TENM3: variants seen among roughly 807,000 people sequenced by gnomAD.
The protein encoded by TENM3 is teneurin-3.
TENM3 carries 63 observed loss-of-function variants against 255.1 expected under a neutral mutation model. The observed-to-expected ratio is 0.25, with a 90% CI of 0.20 to 0.30. TENM3 has a LOEUF of 0.30. Among genes scored for constraint, TENM3 ranks in the 10% least tolerant of loss-of-function variants. TENM3 has a pLI of 1.00. For missense variants in TENM3, 2,929 were observed against 3,461.1 expected (o/e 0.85, Z 3.86); for synonymous variants, 1,306 against 1,322.3 (o/e 0.99, Z 0.27).
chr4:182,510,112 C>T (rs1164537598), intron 3 of TENM3, among the ~76,000 whole-genome samples: 1 of 152,126 alleles, frequency 6.6e-6, no homozygotes, highest in Non-Finnish European at 1.5e-5. Flanking sequence ...ACAAATTCTC[C>T]ACCAAGTTTT....
intron 4 of TENM3, among the ~76,000 whole-genome samples, chr4:182,621,692 A>G (rs7698164): frequency 0.086 from 1,048 of 12,236 alleles, 46 homozygotes; most frequent in Non-Finnish European, 0.13. Context: ...TATATAATAT[A>G]TATTATATAT....
the TENM3 span, among the ~76,000 whole-genome samples, chr4:181,952,359 G>C: frequency 6.6e-6 from 1 of 152,218 alleles, no homozygotes; most frequent in East Asian, 1.9e-4. Context: ...TTCTTTCTCT[G>C]CTAAGTGAAT....
the TENM3 span, among the ~76,000 whole-genome samples, chr4:181,660,068 C>T: frequency 9.9e-5 from 15 of 151,994 alleles, no homozygotes; most frequent in Admixed American, 6.6e-5. Flanking sequence ...GAAAATGTAG[C>T]GAGACAACCT....
At chr4:181,991,422 C>G in the TENM3 span, among the ~76,000 whole-genome samples, 3 of 152,216 alleles carry the variant, frequency 2.0e-5, no homozygotes, top group African/African-American at 7.2e-5. Context: ...TAAAAGGTTT[C>G]CGCCTAGTTG....
chr4:182,354,657 AACTT>A (rs1182870931), intron 3 of TENM3, among the ~76,000 whole-genome samples: 1 of 152,208 alleles, frequency 6.6e-6, no homozygotes, highest in East Asian at 1.9e-4. Flanking sequence ...TTTGAATACT[AACTT>A]CAGTATATTG....
chr4:181,869,692 G>A, the TENM3 span, among the ~76,000 whole-genome samples: 2 of 152,058 alleles, frequency 1.3e-5, no homozygotes, highest in African/African-American at 4.8e-5. Flanking sequence ...AGATGTATAA[G>A]CTTAACATTT....
At chr4:181,667,393 G>A in the TENM3 span, among the ~76,000 whole-genome samples, 1 of 152,022 alleles carries the variant, frequency 6.6e-6, no homozygotes, top group African/African-American at 2.4e-5. Context: ...TATAACAATG[G>A]CTCGCAAACC....
intron 1 of TENM3, among the ~76,000 whole-genome samples, chr4:182,219,456 A>G (rs1755717393): frequency 6.6e-6 from 1 of 152,160 alleles, no homozygotes. Flanking sequence ...TGAGCCCAAG[A>G]GTTCCAGACC....
the TENM3 span, among the ~76,000 whole-genome samples, chr4:182,011,343 C>A: frequency 6.6e-6 from 1 of 152,330 alleles, no homozygotes; most frequent in Admixed American, 6.5e-5. Context: ...CTGTCTCTTT[C>A]ATTTCCCATA....
chr4:182,372,136 G>C (rs1230041544), intron 3 of TENM3, among the ~76,000 whole-genome samples: 6 of 152,264 alleles, frequency 3.9e-5, no homozygotes, highest in Non-Finnish European at 4.4e-5. Context: ...GACAGCTGTT[G>C]GGGAATAGAA....
At chr4:182,610,169 A>G (rs1001540442) in intron 4 of TENM3, among the ~76,000 whole-genome samples, 7 of 152,248 alleles carry the variant, frequency 4.6e-5, no homozygotes, top group African/African-American at 1.2e-4. Context: ...CTGTGATAAT[A>G]TGTAACAGTG....
chr4:182,550,353 A>G (rs979773297), intron 3 of TENM3, among the ~76,000 whole-genome samples: 1 of 152,236 alleles, frequency 6.6e-6, no homozygotes, highest in Non-Finnish European at 1.5e-5. Context: ...AATCCACAGA[A>G]TAATTACATA....
the TENM3 span, among the ~76,000 whole-genome samples, chr4:181,579,431 A>T: frequency 6.6e-6 from 1 of 152,180 alleles, no homozygotes; most frequent in Non-Finnish European, 1.5e-5. Flanking sequence ...TTTTTCCCAT[A>T]ATATTCCTTG....
chr4:182,759,851 C>T (rs921805565), intron 22 of TENM3, among the ~76,000 whole-genome samples: 14 of 152,164 alleles, frequency 9.2e-5, no homozygotes, highest in Admixed American at 9.2e-4. Context: ...TCATCTGCTT[C>T]TTGGCGGCAG....
chr4:182,223,725 G>A (rs1251307005), intron 1 of TENM3, among the ~76,000 whole-genome samples: 4 of 147,856 alleles, frequency 2.7e-5, no homozygotes, highest in Non-Finnish European at 5.9e-5. Context: ...GTGTGTGTTT[G>A]GGCATTTGCG....
the TENM3 span, among the ~76,000 whole-genome samples, chr4:181,692,277 G>A: frequency 4.6e-5 from 7 of 152,268 alleles, no homozygotes; most frequent in South Asian, 2.1e-4. Flanking sequence ...TTGAATAAGC[G>A]TTTGGCATAC....
intron 19 of TENM3, among the ~76,000 whole-genome samples, chr4:182,744,935 G>T (rs1761897048): frequency 6.6e-6 from 1 of 151,884 alleles, no homozygotes; most frequent in African/African-American, 2.4e-5. Context: ...GAAAAACTTT[G>T]CTCGGGATAG....
the TENM3 span, among the ~76,000 whole-genome samples, chr4:181,974,600 A>T: frequency 6.6e-6 from 1 of 152,030 alleles, no homozygotes; most frequent in South Asian, 2.1e-4. Flanking sequence ...TCAATGTGGC[A>T]CAAGCTGAAT....
the TENM3 span, among the ~76,000 whole-genome samples, chr4:181,996,594 G>T: frequency 6.6e-6 from 1 of 152,284 alleles, no homozygotes; most frequent in South Asian, 2.1e-4. Flanking sequence ...GACTTGATTT[G>T]ATTTCCTTTT....
Sources: gnomAD v4.1 joint callset for allele counts (sites outside exome capture counted in the v4.1 genomes callset) on GRCh38, gnomAD v4.1.1 for gene constraint, MANE v1.5 for transcripts, NCBI Gene and HGNC (gene_info 2026-07-23, HGNC 2026-07-21) for gene names.